Variants in XIRP2 observed in about 807,000 individuals in gnomAD.
XIRP2 encodes xin actin binding repeat containing 2.
XIRP2 carries 236 observed loss-of-function variants against 277.0 expected under a neutral mutation model. The ratio of observed to expected loss-of-function variants is 0.85; its 90% CI spans 0.77 to 0.95. The LOEUF is 0.95. XIRP2 is among the 40% of genes least tolerant of loss of function. The pLI, the probability that XIRP2 is intolerant of heterozygous loss-of-function variation, is 0.00. For missense variants in XIRP2, 4,640 were observed against 4,157.5 expected (o/e 1.12, Z -3.19); for synonymous variants, 1,490 against 1,416.5 (o/e 1.05, Z -1.17).
intron 1 of XIRP2, among the ~76,000 whole-genome samples, chr2:166,892,009 C>T (rs561481894): frequency 6.6e-6 from 1 of 152,226 alleles, no homozygotes; most frequent in South Asian, 2.1e-4. Context: ...TGATATGCCT[C>T]ACAATCTTCG....
At chr2:167,077,948 G>A (rs900749048) in intron 2 of XIRP2, among the ~76,000 whole-genome samples, 4 of 152,048 alleles carry the variant, frequency 2.6e-5, no homozygotes, top group African/African-American at 4.8e-5. Flanking sequence ...GGATTGCTTC[G>A]GCTATTTGGG....
intron 2 of XIRP2, among the ~76,000 whole-genome samples, chr2:166,994,433 T>G (rs1687148618): frequency 7.8e-6 from 1 of 128,568 alleles, no homozygotes; most frequent in Non-Finnish European, 1.6e-5. Flanking sequence ...CATATGTAAC[T>G]AACCTGCACA....
intron 10 of XIRP2, among the ~76,000 whole-genome samples, chr2:167,255,520 T>C (rs1695631394): frequency 6.6e-6 from 1 of 151,850 alleles, no homozygotes; most frequent in Non-Finnish European, 1.5e-5. Flanking sequence ...TCTTAAGCTA[T>C]ATACTTTTCT....
intron 2 of XIRP2, among the ~76,000 whole-genome samples, chr2:166,952,237 G>T (rs949362330): frequency 6.6e-6 from 1 of 151,908 alleles, no homozygotes; most frequent in Non-Finnish European, 1.5e-5. Flanking sequence ...AGCTACATTC[G>T]TCCGGTGGAT....
intron 2 of XIRP2, among the ~76,000 whole-genome samples, chr2:167,015,420 A>ATCTG (rs1687794187): frequency 2.3e-5 from 3 of 128,678 alleles, no homozygotes; most frequent in South Asian, 4.9e-4. Flanking sequence ...TCTGTCTTTT[A>ATCTG]TCTATCTATC....
intron 2 of XIRP2, among the ~76,000 whole-genome samples, chr2:166,961,320 T>C (rs1198989849): frequency 2.0e-5 from 3 of 151,702 alleles, no homozygotes; most frequent in East Asian, 1.9e-4. Flanking sequence ...TGTCATCAAA[T>C]TGAAGCCTCA....
At chr2:167,183,212 A>G (rs1431946866) in intron 3 of XIRP2, among the ~76,000 whole-genome samples, 11 of 152,232 alleles carry the variant, frequency 7.2e-5, no homozygotes. Flanking sequence ...AGGATAAGAC[A>G]TAGATTGCAA....
At chr2:167,031,846 A>C (rs992261572) in intron 2 of XIRP2, among the ~76,000 whole-genome samples, 9 of 152,210 alleles carry the variant, frequency 5.9e-5, no homozygotes, top group African/African-American at 1.9e-4. Flanking sequence ...CATAGATAGG[A>C]ACAATCAATA....
At chr2:167,134,203 A>ATATATTCATG (rs1291624918) in intron 2 of XIRP2, among the ~76,000 whole-genome samples, 1 of 151,288 alleles carries the variant, frequency 6.6e-6, no homozygotes, top group Admixed American at 6.6e-5. Context: ...ATATATGAAT[A>ATATATTCATG]TATATTCATG....
chr2:167,204,773 A>G (rs1029191164), intron 3 of XIRP2, among the ~76,000 whole-genome samples: 1 of 152,148 alleles, frequency 6.6e-6, no homozygotes, highest in Non-Finnish European at 1.5e-5. Flanking sequence ...CGTATTTATT[A>G]TAATTATCAT....
At chr2:167,164,147 A>C (rs1439821019) in intron 3 of XIRP2, among the ~76,000 whole-genome samples, 2 of 152,192 alleles carry the variant, frequency 1.3e-5, no homozygotes, top group South Asian at 2.1e-4. Flanking sequence ...CTTTAGAATT[A>C]ACTTGTGAAT....
At chr2:167,231,398 T>G (rs1397833744) in intron 5 of XIRP2, among the ~76,000 whole-genome samples, 3 of 151,990 alleles carry the variant, frequency 2.0e-5, no homozygotes, top group Non-Finnish European at 4.4e-5. Flanking sequence ...TACCAAAAAA[T>G]AAGCCCAAAT....
rs113521008 is a variant in XIRP2, at chr2:167,247,733, T to C, written c.6341T>C (p.Ile2114Thr). The change falls in exon 9 of 11, where the codon ATC becomes ACC. Residue 2114 changes from isoleucine to threonine, a missense_variant. Physicochemically the swap from Ile to Thr is moderately conservative, Grantham distance 89. Transcript: ENST00000409195. ...ELKKDDVFNS[I>T]QSAGKTVGKQ... The stretch of plus-strand genomic sequence containing the variant: ...AAGAAGGATGATGTCTTTAATTCCA[T>C]CCAATCTGCTGGTAAAACCGTTGGA... The C allele has an allele frequency of 3.1e-6, 5 of 1,613,536 alleles. No homozygotes were observed. Among genetic ancestry groups the C allele is most frequent in the African/African-American group, 2.7e-5 (2 of 74,952 alleles).
intron 2 of XIRP2, among the ~76,000 whole-genome samples, chr2:166,915,279 G>A (rs370308991): frequency 2.6e-5 from 3 of 113,474 alleles, no homozygotes; most frequent in African/African-American, 7.1e-5. Context: ...CAGCCTGGGC[G>A]ACACAGCAAG....
At position 167,249,498 on chromosome 2, in the gene XIRP2, A is replaced by T; in HGVS notation, c.8106A>T (p.Lys2702Asn). The change falls in exon 9 of 11, where the codon AAA (lysine) becomes AAT (asparagine). Residue 2702 changes from lysine (K) to asparagine (N), a missense_variant. By Grantham distance (94) the Lys-to-Asn change is moderately conservative (BLOSUM62 0). Coordinates refer to ENST00000409195, the MANE Select transcript of XIRP2 (RefSeq NM_152381.6). ...YLEQLHLPQS[K>N]PISPNFKVKT... ...AGCAGTTGCACTTGCCCCAAAGCAA[A>T]CCAATTTCCCCAAATTTCAAAGTTA... 6.2e-7 allele frequency: 1 copy of T among 1,613,868 alleles called. No homozygotes were observed.
At chr2:167,226,653 T>A (rs1332667322) in intron 5 of XIRP2, among the ~76,000 whole-genome samples, 1 of 152,032 alleles carries the variant, frequency 6.6e-6, no homozygotes, top group Non-Finnish European at 1.5e-5. Context: ...ATGAGACTGA[T>A]CTCTCTAAAA....
chr2:167,211,417 C>G (rs1035777765), intron 4 of XIRP2, among the ~76,000 whole-genome samples: 4 of 152,274 alleles, frequency 2.6e-5, no homozygotes, highest in Admixed American at 2.0e-4. Flanking sequence ...CTTAACTTCT[C>G]TCTGAGCTTC....
At chr2:167,240,206 G>A (rs1340694684) in intron 6 of XIRP2, among the ~76,000 whole-genome samples, 1 of 152,052 alleles carries the variant, frequency 6.6e-6, no homozygotes, top group Non-Finnish European at 1.5e-5. Context: ...GAGGTCAGGT[G>A]TTCAAGAGCA....
chr2:166,925,592 TATAC>T (rs1470976621), intron 2 of XIRP2, among the ~76,000 whole-genome samples: 3,056 of 58,982 alleles, frequency 0.052, 37 homozygotes, highest in African/African-American at 0.084. Context: ...TGTATGTGTA[TATAC>T]ATATATATAT....
Sources: gnomAD v4.1 joint callset for allele counts (sites outside exome capture counted in the v4.1 genomes callset) on GRCh38, gnomAD v4.1.1 for gene constraint, MANE v1.5 for transcripts, NCBI Gene and HGNC (gene_info 2026-07-23, HGNC 2026-07-21) for gene names.